Variants in DMD observed in about 807,000 individuals in gnomAD.
DMD encodes the protein dystrophin.
DMD carries 63 observed loss-of-function variants against 330.1 expected under a neutral mutation model. The observed-to-expected ratio is 0.19, with a 90% CI of 0.16 to 0.24. The LOEUF is 0.24. Among genes scored for constraint, DMD ranks in the 10% least tolerant of loss-of-function variants. The pLI is 1.00. For synonymous variants in DMD, 1,223 were observed against 959.8 expected, an observed-to-expected ratio of 1.27 and a Z score of -5.07; for missense variants, 3,344 against 2,684.1, an observed-to-expected ratio of 1.25 and a Z score of -5.43.
intron 9 of DMD, among the ~76,000 whole-genome samples, chrX:32,654,564 G>A (rs1337016942): frequency 9.0e-6 from 1 of 111,124 alleles, no homozygotes; most frequent in Non-Finnish European, 1.9e-5. Flanking sequence ...GTATTTTATT[G>A]AGGATTTTTG....
In DMD at chrX:33,319,385, T is replaced by C. The variant is rs1260852294; in HGVS notation, c.7+19874A>G. 8.1e-5 allele frequency among the ~76,000 whole-genome samples: 9 copies of C among 111,150 alleles called. No homozygotes were observed. In the Admixed American group the frequency reaches 8.7e-4, roughly 11 times the overall value. Reference sequence around the variant, plus strand: ...AGGGGTGGGATAATGAACAGAGTCATAAGTATAATGTATTTAGAAATCTGG... The same window carrying C: ...AGGGGTGGGATAATGAACAGAGTCACAAGTATAATGTATTTAGAAATCTGG... On this transcript the variant is annotated intron_variant, in intron 1 of 17. Coordinates refer to the DMD transcript ENST00000288447.
intron 43 of DMD, among the ~76,000 whole-genome samples, chrX:32,273,617 G>A (rs331345): frequency 0.13 from 14,361 of 109,671 alleles, 869 homozygotes; most frequent in Non-Finnish European, 0.19. Flanking sequence ...CCAATGAAGC[G>A]TAAGTGGAAA....
chrX:32,781,580 C>A (rs1195115110), intron 7 of DMD, among the ~76,000 whole-genome samples: 1 of 110,135 alleles, frequency 9.1e-6, no homozygotes, highest in Non-Finnish European at 1.9e-5. Flanking sequence ...AATAAATTCT[C>A]CCTTGCCTCT....
intron 43 of DMD, among the ~76,000 whole-genome samples, chrX:32,233,792 C>T (rs1419714038): frequency 9.2e-6 from 1 of 108,664 alleles, no homozygotes; most frequent in East Asian, 2.9e-4. Context: ...GCCACCATGC[C>T]TGGCTAATTT....
chrX:32,220,199 A>C (rs1332921879), intron 43 of DMD, among the ~76,000 whole-genome samples: 2 of 111,130 alleles, frequency 1.8e-5, no homozygotes, highest in African/African-American at 6.5e-5. Flanking sequence ...ATATTTCTGA[A>C]ATGCCCTTCT....
chrX:31,623,223 G>A (rs1028088161), intron 55 of DMD, among the ~76,000 whole-genome samples: 2 of 110,365 alleles, frequency 1.8e-5, no homozygotes, highest in African/African-American at 3.3e-5. Context: ...TAATCCGTGC[G>A]CCAAAATTTT....
chrX:32,725,189 T>G (rs1211113264), intron 7 of DMD, among the ~76,000 whole-genome samples: 1 of 111,139 alleles, frequency 9.0e-6, no homozygotes, highest in Non-Finnish European at 1.9e-5. Flanking sequence ...GACTCTAATA[T>G]ATAAGGGTGT....
chrX:31,245,512 G>A (rs969135259), intron 63 of DMD, among the ~76,000 whole-genome samples: 7 of 111,879 alleles, frequency 6.3e-5, no homozygotes, highest in Admixed American at 3.8e-4. Context: ...GCACTTTGCT[G>A]TATTGCACTT....
At chrX:32,733,119 T>C (rs1326938282) in intron 7 of DMD, among the ~76,000 whole-genome samples, 1 of 108,148 alleles carries the variant, frequency 9.2e-6, no homozygotes, top group African/African-American at 3.5e-5. Context: ...AATCCTAGTC[T>C]CTGATAAAAC....
chrX:32,718,549 C>A (rs2065952650), intron 7 of DMD, among the ~76,000 whole-genome samples: 1 of 111,792 alleles, frequency 8.9e-6, no homozygotes, highest in African/African-American at 3.3e-5. Flanking sequence ...ATACACATAT[C>A]AAGATAAGGA....
intron 43 of DMD, among the ~76,000 whole-genome samples, chrX:32,240,340 A>G (rs2097203438): frequency 1.8e-5 from 2 of 111,424 alleles, no homozygotes; most frequent in South Asian, 7.6e-4. Flanking sequence ...ATAAGGCCAA[A>G]GCCATCCAGA....
intron 29 of DMD, among the ~76,000 whole-genome samples, chrX:32,418,525 G>A (rs1000597156): frequency 9.0e-6 from 1 of 111,338 alleles, no homozygotes; most frequent in Non-Finnish European, 1.9e-5. Context: ...AATAATCCAC[G>A]TGAAAACTAT....
intron 55 of DMD, among the ~76,000 whole-genome samples, chrX:31,611,041 TC>T (rs1488641624): frequency 2.7e-5 from 3 of 110,454 alleles, no homozygotes; most frequent in African/African-American, 9.9e-5. Flanking sequence ...TTTCTTCATT[TC>T]TTTATCCTGC....
chrX:31,943,878 TGAGAGA>T (rs536982335), intron 45 of DMD, among the ~76,000 whole-genome samples: 3,327 of 74,255 alleles, frequency 0.045, 36 homozygotes, highest in Middle Eastern at 0.095. Flanking sequence ...CCCCAGAGAG[TGAGAGA>T]GAGAGAGAGA....
chrX:31,507,846 G>T (rs977634883), intron 55 of DMD, among the ~76,000 whole-genome samples: 6 of 111,541 alleles, frequency 5.4e-5, no homozygotes, highest in Non-Finnish European at 3.8e-5. Flanking sequence ...TTACTATATG[G>T]ATCAAGTCAT....
chrX:33,219,534 G>A (rs962503016), intron 1 of DMD, among the ~76,000 whole-genome samples: 3 of 107,151 alleles, frequency 2.8e-5, no homozygotes, highest in Admixed American at 1.0e-4. Flanking sequence ...TTCACATAAC[G>A]ATGTGATTTC....
chrX:32,639,328 T>C (rs1045346676), intron 11 of DMD, among the ~76,000 whole-genome samples: 1 of 111,544 alleles, frequency 9.0e-6, no homozygotes, highest in Non-Finnish European at 1.9e-5. Context: ...TTGTGTGTTT[T>C]TCTTCCGAAT....
intron 2 of DMD, among the ~76,000 whole-genome samples, chrX:32,948,254 C>G (rs2146897158): frequency 9.0e-6 from 1 of 111,447 alleles, no homozygotes; most frequent in African/African-American, 3.3e-5. Flanking sequence ...GCTGCCTCCT[C>G]TTTGAATAAA....
chrX:31,933,028 T>C (rs987317835), intron 45 of DMD, among the ~76,000 whole-genome samples: 1 of 111,205 alleles, frequency 9.0e-6, no homozygotes, highest in Non-Finnish European at 1.9e-5. Flanking sequence ...CTGCCAAATA[T>C]GCTGGGGGGT....
Sources: gnomAD v4.1 joint callset for allele counts (sites outside exome capture counted in the v4.1 genomes callset) on GRCh38, gnomAD v4.1.1 for gene constraint, MANE v1.5 for transcripts, NCBI Gene and HGNC (gene_info 2026-07-23, HGNC 2026-07-21) for gene names.